Variants in IRAG2 observed in about 807,000 individuals in gnomAD.
IRAG2 encodes the protein inositol 1,4,5-triphosphate receptor associated 2.
Under a neutral mutation model 69.9 loss-of-function variants are expected in IRAG2, and 45 were observed. The ratio of observed to expected loss-of-function variants is 0.64; its 90% CI spans 0.51 to 0.83. The LOEUF (loss-of-function observed/expected upper bound fraction) is 0.83. Among genes scored for constraint, IRAG2 ranks in the 40% least tolerant of loss-of-function variants. The pLI, the probability that IRAG2 is intolerant of heterozygous loss-of-function variation, is 0.00. For synonymous variants in IRAG2, 193 were observed against 202.4 expected (o/e 0.95, Z 0.40); for missense variants, 520 against 587.0 (o/e 0.89, Z 1.18).
upstream of IRAG2, among the ~76,000 whole-genome samples, chr12:25,050,075 A>T (rs1192387048): frequency 2.0e-5 from 3 of 150,608 alleles, no homozygotes; most frequent in Non-Finnish European, 3.0e-5. Flanking sequence ...GTGAGCCGAG[A>T]TTGCGCCACT....
chr12:25,065,284 A>T (rs910418160), intron 4 of IRAG2, among the ~76,000 whole-genome samples: 2 of 152,236 alleles, frequency 1.3e-5, no homozygotes, highest in Non-Finnish European at 2.9e-5. Context: ...GTCACTTTAT[A>T]CATAAGCAAA....
chr12:25,018,653 T>G (rs1172097049), intron 6 of IRAG2, among the ~76,000 whole-genome samples: 1 of 152,244 alleles, frequency 6.6e-6, no homozygotes, highest in African/African-American at 2.4e-5. Flanking sequence ...ATATAAAAAT[T>G]CAAAGTTTCT....
In IRAG2 at chr12:25,108,014, T is replaced by G; in HGVS notation, c.1454T>G (p.Leu485Trp). The G allele has an allele frequency of 6.2e-7, 1 of 1,614,026 alleles. No homozygotes were observed. The highest frequency in any genetic ancestry group is 1.1e-5 in the South Asian group (1 of 91,032). ...TCATGGACGTCTCTAGAACATATCT[T>G]GTGGCCATTTACCAGACTCCGACAC... ...EDSWTSLEHI[L>W]WPFTRLRHNG... The change falls in exon 22 of 22, where the codon TTG (leucine) becomes TGG (tryptophan). Residue 485 changes from leucine (L) to tryptophan (W), a missense_variant. Leu to Trp is a moderately conservative substitution (Grantham distance 61). Transcript: ENST00000556887.
chr12:25,047,928 G>T (rs1383942079), upstream of IRAG2, among the ~76,000 whole-genome samples: 1 of 152,162 alleles, frequency 6.6e-6, no homozygotes, highest in Non-Finnish European at 1.5e-5. Flanking sequence ...ACATACGCTT[G>T]CATGTATCTT....
intron 2 of IRAG2, among the ~76,000 whole-genome samples, chr12:25,008,474 C>CA (rs1172185041): frequency 6.6e-6 from 1 of 152,132 alleles, no homozygotes; most frequent in Non-Finnish European, 1.5e-5. Context: ...TGCAGTGCTT[C>CA]AAGCCTGTAA....
At chr12:25,049,064 G>C (rs1035604507), upstream of IRAG2, among the ~76,000 whole-genome samples, 1 of 152,186 alleles carries the variant, frequency 6.6e-6, no homozygotes, top group African/African-American at 2.4e-5. Flanking sequence ...CTGGTGTACA[G>C]TCCTATTTCT....
chr12:25,023,313 A>G (rs1331181010), intron 7 of IRAG2, among the ~76,000 whole-genome samples: 1 of 152,190 alleles, frequency 6.6e-6, no homozygotes, highest in African/African-American at 2.4e-5. Flanking sequence ...AGAAATGCAT[A>G]TTAACAAATA....
chr12:25,094,872 G>A (rs1948318908), intron 14 of IRAG2, among the ~76,000 whole-genome samples: 1 of 151,820 alleles, frequency 6.6e-6, no homozygotes, highest in South Asian at 2.1e-4. Flanking sequence ...TTTCTTTTTT[G>A]GAAATTGTTA....
chr12:25,009,979 A>G (rs1270305455), intron 2 of IRAG2, among the ~76,000 whole-genome samples: 1 of 152,206 alleles, frequency 6.6e-6, no homozygotes, highest in East Asian at 1.9e-4. Context: ...AAATGTTAAT[A>G]TCATCCAAAA....
Position 25,108,238 on chromosome 12 carries a change from A to G in IRAG2, c.*178A>G, listed in dbSNP as rs2140298386. On this transcript the variant is annotated 3_prime_UTR_variant, in exon 22 of 22. Transcript: ENST00000556887. ...CTCCCCAACTAAAATACAATGGGGA[A>G]GAAGTCTGCCTATGATCTTTGAATG... 3 of 647,846 alleles carry G rather than the reference A, an allele frequency of 4.6e-6. No homozygotes were observed. The highest frequency in any genetic ancestry group is 2.3e-5 in the South Asian group (1 of 43,424). 40.1% of individuals were successfully genotyped at this position (647,846 alleles called of 1,614,324 possible). A position where few individuals can be genotyped will look rare whatever the true frequency, so the allele number is the denominator to read the frequency against.
At chr12:25,070,807 A>AT (rs1047235924) in intron 6 of IRAG2, among the ~76,000 whole-genome samples, 1 of 152,110 alleles carries the variant, frequency 6.6e-6, no homozygotes, top group Non-Finnish European at 1.5e-5. Flanking sequence ...ATATTTGCCT[A>AT]TTTTTTATTA....
At chr12:25,041,010 T>C (rs968653055) in intron 16 of IRAG2, among the ~76,000 whole-genome samples, 3 of 152,256 alleles carry the variant, frequency 2.0e-5, no homozygotes, top group South Asian at 4.1e-4. Context: ...TTAGAGAGAA[T>C]AGCCAGGAAA....
chr12:25,108,147 T>G lies in IRAG2; in HGVS notation c.*87T>G. On this transcript the variant is annotated 3_prime_UTR_variant, in exon 22 of 22. Coordinates refer to ENST00000556887, the MANE Select transcript of IRAG2 (RefSeq NM_001366544.2). Reference sequence around the variant, plus strand: ...TTAGTAACTTTTAGCTGGGAAAGTATAGCATGAAACCAGAGGTTCTCAGAA... The same window carrying G: ...TTAGTAACTTTTAGCTGGGAAAGTAGAGCATGAAACCAGAGGTTCTCAGAA... 1 of 1,454,064 alleles carries G rather than the reference T, an allele frequency of 6.9e-7. No homozygotes were observed. The highest frequency in any genetic ancestry group is 9.4e-7 in the Non-Finnish European group (1 of 1,069,330). 90.1% of individuals were successfully genotyped at this position (1,454,064 alleles called of 1,614,324 possible). A position where few individuals can be genotyped will look rare whatever the true frequency, so the allele number is the denominator to read the frequency against.
At chr12:25,042,129 T>C (rs1944755859) in intron 16 of IRAG2, among the ~76,000 whole-genome samples, 1 of 152,116 alleles carries the variant, frequency 6.6e-6, no homozygotes, top group East Asian at 1.9e-4. Context: ...ATGGAAGTGA[T>C]AAGAAATTAT....
chr12:25,098,162 G>C (rs57544299), intron 15 of IRAG2, among the ~76,000 whole-genome samples: 28,044 of 152,100 alleles, frequency 0.18, 2,742 homozygotes, highest in Middle Eastern at 0.24. Flanking sequence ...GAATCTACAA[G>C]TAAATCCGCT....
chr12:25,020,188 T>C (rs902682815), intron 6 of IRAG2, among the ~76,000 whole-genome samples: 1 of 152,252 alleles, frequency 6.6e-6, no homozygotes, highest in African/African-American at 2.4e-5. Context: ...GGTAACTTCA[T>C]GATATGGATT....
intron 14 of IRAG2, among the ~76,000 whole-genome samples, chr12:25,094,677 C>G (rs778022808): frequency 6.6e-6 from 1 of 152,176 alleles, no homozygotes; most frequent in Middle Eastern, 3.4e-3. Context: ...GAGAGCTTAA[C>G]AAAATCAGGT....
intron 1 of IRAG2, among the ~76,000 whole-genome samples, chr12:25,060,584 T>C (rs769455801): frequency 3.9e-5 from 6 of 151,928 alleles, no homozygotes; most frequent in Non-Finnish European, 7.4e-5. Context: ...GGGCTGTAAT[T>C]TGAGGGCTCA....
intron 6 of IRAG2, among the ~76,000 whole-genome samples, chr12:25,070,556 A>T (rs1005248033): frequency 6.6e-6 from 1 of 152,082 alleles, no homozygotes; most frequent in African/African-American, 2.4e-5. Flanking sequence ...TGGGCATTTG[A>T]GTTGTTTTTA....
Sources: allele counts gnomAD v4.1 joint callset (sites outside exome capture counted in the v4.1 genomes callset), GRCh38; gene constraint gnomAD v4.1.1; transcripts MANE v1.5; gene names NCBI Gene and HGNC (gene_info 2026-07-23, HGNC 2026-07-21).